The following UHRF1 variants were observed in gnomAD, a reference collection of about 807,000 sequenced individuals.
The protein encoded by UHRF1 is ubiquitin like with PHD and ring finger domains 1, also known as E3 ubiquitin-protein ligase UHRF1.
UHRF1 carries 9 observed loss-of-function variants against 96.5 expected under a neutral mutation model. The observed-to-expected ratio is 0.09, with a 90% confidence interval of 0.06 to 0.16. UHRF1 has a LOEUF of 0.16. Among genes scored for constraint, UHRF1 ranks in the 10% least tolerant of loss-of-function variants. UHRF1 has a pLI of 1.00. For missense variants in UHRF1, 626 were observed against 1,131.1 expected, an observed-to-expected ratio of 0.55 and a Z score of 6.40; for synonymous variants, 455 against 469.9, an observed-to-expected ratio of 0.97 and a Z score of 0.41.
At position 4,940,754 on chromosome 19, in the gene UHRF1, CGTCTGCCTCCTGGGTTCA is replaced by C. The variant is rs2033368114; in HGVS notation, c.786-773_786-756del. ...GTGGCACGATCTTGGCTCACTTCAG[CGTCTGCCTCCTGGGTTCA>C]AGCAATTCTCCTGCCTCAGCCTCCT... On this transcript the variant is annotated intron_variant, in intron 5 of 16. Transcript: ENST00000650932. Among the ~76,000 whole-genome samples, 3 of 151,768 alleles carry C rather than the reference CGTCTGCCTCCTGGGTTCA, an allele frequency of 2.0e-5. No homozygotes were observed. In the South Asian group the frequency reaches 6.3e-4, roughly 32 times the overall value.
At position 4,950,659 on chromosome 19, in the gene UHRF1, C is replaced by A. The variant is rs374199726; in HGVS notation, c.1566C>A (p.Ala522=). ...CFAPINDQEG[A]EAKDWRSGKP... is the part of the protein sequence containing the mutation. ...CTCCCATCAATGACCAAGAAGGGGC[C>A]GAGGCCAAGGACTGGCGGTCGGGGA... The change falls in exon 12 of 17, where the codon GCC becomes GCA. Residue 522 remains alanine, a synonymous_variant. Transcript: ENST00000650932. 24 of 1,612,062 alleles carry A rather than the reference C, an allele frequency of 1.5e-5. No homozygotes were observed. In the African/African-American group the frequency reaches 2.9e-4, roughly 20 times the overall value.
rs55757803 is a variant in UHRF1, at chr19:4,948,967, C to CAAA, written c.1518-1625_1518-1623dup. ...TGAAACCCCATCTCTACTAAGAATA[C>CAAA]AAAAAAAAAAAAAAAAAAAAAGCCT... On this transcript the variant is annotated intron_variant, in intron 11 of 16. Coordinates refer to ENST00000650932, the MANE Select transcript of UHRF1 (RefSeq NM_001048201.3). Among the ~76,000 whole-genome samples, 118 of 51,130 alleles carry CAAA rather than the reference C, an allele frequency of 2.3e-3. 2 individuals carry two copies. The highest frequency in any genetic ancestry group is 2.8e-3 in the African/African-American group (41 of 14,774). 33.5% of individuals were successfully genotyped at this position (51,130 alleles called of 152,430 possible). A position where few individuals can be genotyped will look rare whatever the true frequency, so the allele number is the denominator to read the frequency against.
intron 2 of UHRF1, among the ~76,000 whole-genome samples, chr19:4,923,570 C>T (rs934515998): frequency 1.3e-5 from 2 of 152,208 alleles, no homozygotes; most frequent in Non-Finnish European, 2.9e-5. Context: ...AGGATGCTCA[C>T]GCCGCTCTGG....
intron 7 of UHRF1, among the ~76,000 whole-genome samples, chr19:4,943,350 G>C (rs1000611503): frequency 3.3e-5 from 5 of 152,186 alleles, no homozygotes; most frequent in Non-Finnish European, 7.3e-5. Context: ...GCTTCTGTGA[G>C]AGGAGGTTTC....
At chr19:4,919,024 A>ATTT (rs144245403) in intron 2 of UHRF1, among the ~76,000 whole-genome samples, 1 of 119,388 alleles carries the variant, frequency 8.4e-6, no homozygotes. Flanking sequence ...TCCTGACCTC[A>ATTT]TTTTTTTTTT....
At chr19:4,905,604 G>A (rs1456488470), upstream of UHRF1, among the ~76,000 whole-genome samples, 8 of 151,748 alleles carry the variant, frequency 5.3e-5, no homozygotes, top group South Asian at 6.3e-4. Flanking sequence ...TGTAACCTCC[G>A]CCTCCTGGGT....
Position 4,929,513 on chromosome 19 carries a change from G to A in UHRF1, c.408+37G>A, listed in dbSNP as rs765628736. ...CTCCGCAGCTGCTCTGGGGTTGGACGTTCTCCCTGCCATTCTGGTCTTTGC... is the reference window on the plus strand; with the variant it reads ...CTCCGCAGCTGCTCTGGGGTTGGACATTCTCCCTGCCATTCTGGTCTTTGC... On this transcript the variant is annotated intron_variant, in intron 3 of 16. Transcript: ENST00000650932. 5.0e-6 allele frequency: 8 copies of A among 1,587,218 alleles called. No individual in the cohort carries two copies. The Admixed American group carries it at 5.2e-5, about 10-fold the overall frequency.
In UHRF1 at chr19:4,941,896, C is replaced by T. The variant is rs568778245; in HGVS notation, c.1038C>T (p.Asp346=). 14 of 1,538,810 alleles carry T rather than the reference C, an allele frequency of 9.1e-6. No homozygotes were observed. The African/African-American group carries it at 1.9e-4, about 21-fold the overall frequency. ...CDMAFHIYCL[D]PPLSSVPSED... ...TGGCCTTCCACATCTACTGCCTGGA[C>T]CCGCCCCTCAGCAGTGTTCCCAGCG... Residue 346 remains aspartate (D), a synonymous_variant, in exon 7 of 17, where the codon GAC becomes GAT. Transcript: ENST00000650932.
intron 11 of UHRF1, among the ~76,000 whole-genome samples, chr19:4,948,564 C>G (rs142440766): frequency 6.8e-6 from 1 of 148,064 alleles, no homozygotes; most frequent in African/African-American, 2.5e-5. Flanking sequence ...TTTGAGAGGC[C>G]GAGGTAGGTG....
chr19:4,959,286 C>T (rs776560242), intron 16 of UHRF1, among the ~76,000 whole-genome samples: 11 of 151,966 alleles, frequency 7.2e-5, no homozygotes, highest in Non-Finnish European at 1.3e-4. Context: ...GCCAAGATCA[C>T]GCCACTGCAC....
At chr19:4,952,532 C>T (rs1168134423) in intron 13 of UHRF1, among the ~76,000 whole-genome samples, 1 of 151,034 alleles carries the variant, frequency 6.6e-6, no homozygotes, top group Non-Finnish European at 1.5e-5. Flanking sequence ...TAGCTGGGAT[C>T]ACAGGTGTGT....
In UHRF1 at chr19:4,925,884, C is replaced by A. The variant is rs372488978; in HGVS notation, c.154-3338C>A. On this transcript the variant is annotated intron_variant, in intron 2 of 16. Coordinates refer to ENST00000650932, the MANE Select transcript of UHRF1 (RefSeq NM_001048201.3). ...GTGTTGATCCTCTCACCTGTTTTTT[C>A]TTTTCTTTCTTTCTTTTTTTCTTTC... is the stretch of plus-strand genomic sequence containing the variant. Among the ~76,000 whole-genome samples the A allele has an allele frequency of 4.8e-5, 7 of 146,976 alleles. No individual in the cohort carries two copies. In the Admixed American group the frequency reaches 4.8e-4, roughly 10 times the overall value.
chr19:4,910,940 C>A lies in UHRF1; in HGVS notation c.55C>A (p.Leu19Met), dbSNP rs1394668922. Residue 19 changes from leucine to methionine, a missense_variant, in exon 2 of 17, where the codon CTG becomes ATG. Transcript: ENST00000650932. ...DGRQTHTVDS[L>M]SRLTKVEELR... ...GAGGCAGACCCACACGGTGGACTCG[C>A]TGTCCAGGCTGACCAAGGTGGAGGA... The A allele has an allele frequency of 6.2e-7, 1 of 1,613,718 alleles. No homozygotes were observed. Among genetic ancestry groups the A allele is most frequent in the Non-Finnish European group, 8.5e-7 (1 of 1,179,702 alleles).
At chr19:4,935,221 G>A (rs928352487) in intron 5 of UHRF1, among the ~76,000 whole-genome samples, 2 of 152,070 alleles carry the variant, frequency 1.3e-5, no homozygotes, top group Non-Finnish European at 2.9e-5. Flanking sequence ...ACCCACCTCA[G>A]CCCCTCAAAG....
chr19:4,945,268 AT>A (rs915328446), intron 9 of UHRF1, among the ~76,000 whole-genome samples: 13 of 151,570 alleles, frequency 8.6e-5, no homozygotes, highest in Admixed American at 4.6e-4. Flanking sequence ...CCCCACTTTT[AT>A]TTTTTTTGAG....
chr19:4,954,894 A>G lies in UHRF1; in HGVS notation c.2130+72A>G, dbSNP rs1167249346. ...GTAAAATGTGTGGGGCTTGTTTCCC[A>G]TGTTCCCCATTTTCAAGTGTACAGC... On this transcript the variant is annotated intron_variant, in intron 15 of 16. Coordinates refer to ENST00000650932, the MANE Select transcript of UHRF1 (RefSeq NM_001048201.3). The surrounding 1 kb of genome is among the most constrained non-coding windows in gnomAD (Gnocchi z 5.9). The G allele has an allele frequency of 4.5e-6, 7 of 1,568,670 alleles. No homozygotes were observed. Among genetic ancestry groups the G allele is most frequent in the African/African-American group, 1.4e-5 (1 of 73,746 alleles).
rs2779164 is a variant in UHRF1 at position 4,916,496 on chromosome 19, G to A, written c.153+5458G>A. Among the ~76,000 whole-genome samples, 407 of 152,218 alleles carry A rather than the reference G, an allele frequency of 2.7e-3. 3 individuals are homozygous for A. Among genetic ancestry groups the A allele is most frequent in the African/African-American group, 8.9e-3 (371 of 41,522 alleles). ...ACAGTGATCGTGGTGTCTTTGTGGC[G>A]GTTGTGTTGACCTCACTGACCCCCG... On this transcript the variant is annotated intron_variant, in intron 2 of 16. Transcript: ENST00000650932.
intron 13 of UHRF1, among the ~76,000 whole-genome samples, chr19:4,951,303 C>T (rs999934752): frequency 1.3e-5 from 2 of 152,082 alleles, no homozygotes; most frequent in African/African-American, 4.8e-5. Flanking sequence ...ACGGCTCTGA[C>T]ACTTCCCGCC....
At chr19:4,915,271 C>T (rs1390917769) in intron 2 of UHRF1, among the ~76,000 whole-genome samples, 1 of 152,192 alleles carries the variant, frequency 6.6e-6, no homozygotes, top group African/African-American at 2.4e-5. Context: ...AGCTCCCACC[C>T]ACTGCGGCAT....
Sources: gnomAD v4.1 joint callset for allele counts (sites outside exome capture counted in the v4.1 genomes callset) on GRCh38, gnomAD v4.1.1 for gene constraint, Gnocchi (gnomAD v3.1) non-coding constraint, MANE v1.5 for transcripts, NCBI Gene and HGNC (gene_info 2026-07-23, HGNC 2026-07-21) for gene names.